The following POLN variants were observed in gnomAD, a reference collection of about 807,000 sequenced individuals.
POLN encodes DNA polymerase nu.
In POLN, 108 loss-of-function variants were observed where a neutral mutation model predicts 113.5. The observed-to-expected ratio is 0.95, with a 90% CI of 0.81 to 1.12. The LOEUF is 1.12. Ranked by LOEUF, POLN falls within the 50% of genes most tolerant of loss-of-function variation. The pLI is 0.00. For missense variants in POLN, 1,097 were observed against 1,077.1 expected, an observed-to-expected ratio of 1.02 and a Z score of -0.26; for synonymous variants, 386 against 391.5, an observed-to-expected ratio of 0.99 and a Z score of 0.17.
intron 6 of POLN, among the ~76,000 whole-genome samples, chr4:2,196,692 G>C (rs1733582915): frequency 1.3e-5 from 2 of 151,170 alleles, no homozygotes; most frequent in African/African-American, 2.4e-5. Context: ...CAAAACAATA[G>C]ATTGGGAATT....
intron 2 of POLN, among the ~76,000 whole-genome samples, chr4:2,235,084 C>A (rs1396471260): frequency 1.3e-5 from 2 of 152,308 alleles, no homozygotes; most frequent in East Asian, 1.9e-4. Flanking sequence ...TGGGGTTTCA[C>A]CACCTTGGCC....
intron 19 of POLN, among the ~76,000 whole-genome samples, chr4:2,117,529 G>C (rs867555299): frequency 1.3e-5 from 2 of 152,110 alleles, no homozygotes; most frequent in Admixed American, 6.5e-5. Flanking sequence ...CCTTTGATCT[G>C]GAGACTAATG....
chr4:2,218,200 G>A (rs1352167956), intron 3 of POLN, among the ~76,000 whole-genome samples: 1 of 151,746 alleles, frequency 6.6e-6, no homozygotes, highest in Admixed American at 6.6e-5. Flanking sequence ...GGGAGGCCAA[G>A]GCAGGCGGAT....
chr4:2,098,783 A>G (rs1198790903), intron 19 of POLN, among the ~76,000 whole-genome samples: 1 of 152,270 alleles, frequency 6.6e-6, no homozygotes, highest in East Asian at 1.9e-4. Flanking sequence ...GCCATTCTCC[A>G]GTAAAAAATG....
intron 13 of POLN, among the ~76,000 whole-genome samples, chr4:2,161,730 C>T (rs1416165351): frequency 6.6e-6 from 1 of 152,232 alleles, no homozygotes. Flanking sequence ...CAGCTGGGCT[C>T]CTGAGTCTGG....
intron 23 of POLN, among the ~76,000 whole-genome samples, chr4:2,075,954 C>T (rs1419012000): frequency 6.6e-6 from 1 of 152,146 alleles, no homozygotes; most frequent in Non-Finnish European, 1.5e-5. Flanking sequence ...GTTGTGGGGG[C>T]CCTGACATGG....
intron 3 of POLN, among the ~76,000 whole-genome samples, chr4:2,218,277 CA>C (rs376746658): frequency 0.081 from 7,254 of 89,746 alleles, 222 homozygotes; most frequent in Non-Finnish European, 0.12. Context: ...ACTAAAAATA[CA>C]AAAAAAAAAA....
chr4:2,190,489 T>TA (rs2108755781), intron 7 of POLN, among the ~76,000 whole-genome samples: 1 of 151,714 alleles, frequency 6.6e-6, no homozygotes, highest in East Asian at 1.9e-4. Flanking sequence ...TTTTTTTTTT[T>TA]ACTACAACTT....
At chr4:2,114,940 T>C (rs1199889756) in intron 19 of POLN, among the ~76,000 whole-genome samples, 1 of 151,924 alleles carries the variant, frequency 6.6e-6, no homozygotes, top group Non-Finnish European at 1.5e-5. Flanking sequence ...ACTTTTTTTT[T>C]CCTTTGTATC....
rs930140214 is a variant in POLN, at chr4:2,126,250, A to G, written c.1982+1863T>C. ...ATAAACACAATTTCACAGCTACTCC[A>G]AAGTCCAGGTGAGTGTAGAGTAACA... On this transcript the variant is annotated intron_variant, in intron 19 of 25. Transcript: ENST00000511885. This position sits in a 1 kb window ranked among gnomAD's most constrained non-coding sequence, Gnocchi z 4.6. Among the ~76,000 whole-genome samples, 2 of 152,198 alleles carry G rather than the reference A, an allele frequency of 1.3e-5. No individual in the cohort carries two copies. The highest frequency in any genetic ancestry group is 4.8e-5 in the African/African-American group (2 of 41,452).
intron 20 of POLN, among the ~76,000 whole-genome samples, chr4:2,094,363 C>A (rs867331944): frequency 7.9e-4 from 42 of 53,360 alleles, no homozygotes; most frequent in Middle Eastern, 0.019. Flanking sequence ...GTTCTGTCTC[C>A]AAAAAAAAAA....
chr4:2,222,686 A>G (rs943452540), intron 3 of POLN, among the ~76,000 whole-genome samples: 2 of 131,886 alleles, frequency 1.5e-5, no homozygotes, highest in Admixed American at 7.5e-5. Context: ...ATTGCTTATC[A>G]CCCACGGCCT....
intron 6 of POLN, among the ~76,000 whole-genome samples, chr4:2,195,922 C>G (rs142057810): frequency 6.6e-6 from 1 of 151,964 alleles, no homozygotes; most frequent in Admixed American, 6.5e-5. Flanking sequence ...TTAGATGATC[C>G]TAATCAATGG....
chr4:2,233,133 A>G (rs1734641213), intron 2 of POLN, among the ~76,000 whole-genome samples: 1 of 152,228 alleles, frequency 6.6e-6, no homozygotes, highest in African/African-American at 2.4e-5. Context: ...TAAAATACAT[A>G]CTTTTGAAAA....
chr4:2,157,746 AGAAT>A, intron 15 of POLN, 108 bp downstream of exon 15: 2 of 400,634 alleles, frequency 5.0e-6, no homozygotes, highest in Non-Finnish European at 4.0e-6. Flanking sequence ...AAAAAAAAAA[AGAAT>A]ATTTAGACGA....
intron 7 of POLN, among the ~76,000 whole-genome samples, chr4:2,192,822 T>C (rs918785891): frequency 8.0e-5 from 12 of 150,012 alleles, no homozygotes; most frequent in Admixed American, 2.0e-4. Flanking sequence ...AAAATATATA[T>C]ATATATTTAA....
Position 2,072,309 on chromosome 4 carries a change from G to A in POLN, c.2518-10C>T. ...TCACCTTGAGGGGTACCTGCAGGTGGCAGCCAGAGGTGAGCCCCACGCCTG... is the reference window on the plus strand; with the variant it reads ...TCACCTTGAGGGGTACCTGCAGGTGACAGCCAGAGGTGAGCCCCACGCCTG... On this transcript the variant is annotated splice_polypyrimidine_tract_variant and intron_variant, in intron 25 of 25. Coordinates refer to ENST00000511885, the MANE Select transcript of POLN (RefSeq NM_181808.4). 6.5e-7 allele frequency: 1 copy of A among 1,542,282 alleles called. No individual in the cohort carries two copies. Among genetic ancestry groups the A allele is most frequent in the East Asian group, 2.3e-5 (1 of 43,348 alleles).
At chr4:2,156,915 G>A in intron 15 of POLN, 62 bp from the exon 16 acceptor site, 1 of 1,393,590 alleles carries the variant, frequency 7.2e-7, no homozygotes, top group Non-Finnish European at 1.0e-6. Context: ...TAAGAATGTG[G>A]CGGAGCCTCC....
chr4:2,131,892 G>C (rs983030238), intron 16 of POLN, among the ~76,000 whole-genome samples: 1 of 152,164 alleles, frequency 6.6e-6, no homozygotes, highest in African/African-American at 2.4e-5. Context: ...CAAATCATGA[G>C]AATTTCTGTC....
Sources: gnomAD v4.1 joint callset for allele counts (sites outside exome capture counted in the v4.1 genomes callset) on GRCh38, gnomAD v4.1.1 for gene constraint, Gnocchi (gnomAD v3.1) non-coding constraint, MANE v1.5 for transcripts, NCBI Gene and HGNC (gene_info 2026-07-23, HGNC 2026-07-21) for gene names.